The following CLCN6 variants were observed in gnomAD, a reference collection of about 807,000 sequenced individuals.
CLCN6 encodes the protein H(+)/Cl(-) exchange transporter 6.
CLCN6 carries 70 observed loss-of-function variants against 109.8 expected under a neutral mutation model. The observed-to-expected ratio is 0.64, with a 90% confidence interval of 0.53 to 0.78. The LOEUF is 0.78. Among genes scored for constraint, CLCN6 ranks in the 30% least tolerant of loss-of-function variants. The pLI, the probability that CLCN6 is intolerant of heterozygous loss-of-function variation, is 0.00. For synonymous variants in CLCN6, 444 were observed against 447.8 expected (o/e 0.99, Z 0.11); for missense variants, 984 against 1,142.3 (o/e 0.86, Z 2.00).
Position 11,838,442 on chromosome 1 carries a change from G to T in CLCN6, c.2403G>T (p.Val801=). The change falls in exon 21 of 23, where the codon GTG becomes GTT. Residue 801 remains valine, a splice_region_variant and synonymous_variant. Transcript: ENST00000346436. ...CGCTGCTCAACCCGCGCATGATCGTGGTGAGAAGGGCTGCCCCGGCCTGTC... is the reference window on the plus strand; with the variant it reads ...CGCTGCTCAACCCGCGCATGATCGTTGTGAGAAGGGCTGCCCCGGCCTGTC... The part of the protein sequence containing the change: ...DLTLLNPRMI[V]DVTPYMNPSP... The T allele has an allele frequency of 6.2e-7, 1 of 1,614,094 alleles. No individual in the cohort carries two copies. The highest frequency in any genetic ancestry group is 1.1e-5 in the South Asian group (1 of 91,078).
intron 13 of CLCN6, among the ~76,000 whole-genome samples, chr1:11,832,872 A>G (rs1644898249): frequency 6.6e-6 from 1 of 152,198 alleles, no homozygotes; most frequent in African/African-American, 2.4e-5. Flanking sequence ...TGAGGTCTAA[A>G]ATGTGTAGAA....
intron 2 of CLCN6, among the ~76,000 whole-genome samples, chr1:11,808,270 T>TG: frequency 2.8e-5 from 4 of 141,098 alleles, no homozygotes; most frequent in Admixed American, 2.2e-4. Flanking sequence ...TGTGTGTGTG[T>TG]TTTAAAGTAA....
intron 1 of CLCN6, 72 bp downstream of exon 1, chr1:11,806,421 GGGGCC>G: frequency 7.3e-7 from 1 of 1,378,152 alleles, no homozygotes; most frequent in Non-Finnish European, 9.4e-7. Context: ...TGCCGGGGGT[GGGGCC>G]GGGCCAATCT....
chr1:11,822,390 C>G (rs913695887), intron 5 of CLCN6, among the ~76,000 whole-genome samples: 2 of 152,124 alleles, frequency 1.3e-5, no homozygotes, highest in Non-Finnish European at 2.9e-5. Context: ...TCTTGAGTAG[C>G]TGGGACCATA....
intron 1 of CLCN6, 55 bp downstream of exon 1, chr1:11,806,404 G>C: frequency 4.9e-6 from 7 of 1,432,388 alleles, no homozygotes; most frequent in Non-Finnish European, 4.5e-6. Flanking sequence ...GGGACTGAGA[G>C]AGGCGTTGCC....
intron 13 of CLCN6, 113 bp downstream of exon 13, chr1:11,829,435 C>T (rs1378827873): frequency 5.6e-6 from 7 of 1,255,128 alleles, no homozygotes; most frequent in Non-Finnish European, 8.0e-6. Context: ...CTTCCACACC[C>T]ATTACCTGAG....
chr1:11,828,671 G>A, intron 12 of CLCN6, 47 bp downstream of exon 12: 12 of 1,552,680 alleles, frequency 7.7e-6, no homozygotes, highest in Non-Finnish European at 9.6e-6. Context: ...GGCTCCCTGA[G>A]CTTGGTGTGG....
At chr1:11,813,531 C>T (rs1644630577) in intron 2 of CLCN6, among the ~76,000 whole-genome samples, 4 of 152,028 alleles carry the variant, frequency 2.6e-5, no homozygotes, top group African/African-American at 9.7e-5. Context: ...GCTGGGATTA[C>T]AAGTGTGTGC....
At chr1:11,835,027 C>G (rs1183720709) in intron 17 of CLCN6, among the ~76,000 whole-genome samples, 1 of 152,242 alleles carries the variant, frequency 6.6e-6, no homozygotes, top group African/African-American at 2.4e-5. Context: ...CCACAGGTAC[C>G]TGGGCTTCCT....
intron 2 of CLCN6, among the ~76,000 whole-genome samples, chr1:11,812,408 C>T (rs1388983495): frequency 1.3e-5 from 2 of 150,422 alleles, no homozygotes; most frequent in African/African-American, 4.9e-5. Flanking sequence ...GCTCTCTGAA[C>T]CTTGTCATTT....
Position 11,834,162 on chromosome 1 carries a change from G to T in CLCN6, c.1527-74G>T. The T allele has an allele frequency of 1.9e-6, 3 of 1,594,402 alleles. No individual in the cohort carries two copies. The highest frequency in any genetic ancestry group is 1.7e-6 in the Non-Finnish European group (2 of 1,170,804). On this transcript the variant is annotated intron_variant, in intron 15 of 22. Coordinates refer to ENST00000346436, the MANE Select transcript of CLCN6 (RefSeq NM_001286.5). The surrounding 1 kb of genome is among the most constrained non-coding windows in gnomAD (Gnocchi z 4.5). ...TGCACATATGTGCATAGGCACAAGAGTATGAGCTGTAGGTCCTCCCCACAG... is the reference window on the plus strand; with the variant it reads ...TGCACATATGTGCATAGGCACAAGATTATGAGCTGTAGGTCCTCCCCACAG...
chr1:11,816,468 C>T, intron 3 of CLCN6, 147 bp from the exon 4 acceptor site: 2 of 725,360 alleles, frequency 2.8e-6, no homozygotes, highest in South Asian at 3.1e-5. Flanking sequence ...CATTTTTGCA[C>T]TGTAAAGCAC....
Position 11,827,158 on chromosome 1 carries a change from G to A in CLCN6, c.777G>A (p.Gly259=). Residue 259 remains glycine (G), a synonymous_variant, in exon 10 of 23, where the codon GGG becomes GGA. Transcript: ENST00000346436. ...CTGCAGCTTTCGGGGCGCCAATCGGGGGTACCTTGTTCAGTCTAGAGGAGG... is the reference window on the plus strand; with the variant it reads ...CTGCAGCTTTCGGGGCGCCAATCGGAGGTACCTTGTTCAGTCTAGAGGAGG... The part of the protein sequence containing the change: ...GVAAAFGAPI[G]GTLFSLEEGS... The A allele has an allele frequency of 6.2e-7, 1 of 1,613,940 alleles. No homozygotes were observed. The highest frequency in any genetic ancestry group is 8.5e-7 in the Non-Finnish European group (1 of 1,179,912).
rs372586473 is a variant in CLCN6, at chr1:11,838,325, G to C, written c.2296-10G>C. ...CCTGAGCACGGACAGTGTCTGGGTT[G>C]GAATTGCAGAGCGCCAGCCAGCCGC... is the stretch of plus-strand genomic sequence containing the variant. On this transcript the variant is annotated splice_polypyrimidine_tract_variant and intron_variant, in intron 20 of 22. Transcript: ENST00000346436. 9.9e-6 allele frequency: 16 copies of C among 1,612,430 alleles called. No individual in the cohort carries two copies. Among genetic ancestry groups the C allele is most frequent in the Non-Finnish European group, 1.4e-5 (16 of 1,179,374 alleles).
chr1:11,822,657 C>A, intron 5 of CLCN6, 38 bp from the exon 6 acceptor site: 1 of 1,277,976 alleles, frequency 7.8e-7, no homozygotes, highest in Non-Finnish European at 1.1e-6. Context: ...GGACACCCCT[C>A]GGCTGATGAA....
Position 11,823,749 on chromosome 1 carries a change from CTGAA to C in CLCN6, c.499_502del (p.Asn167AlafsTer2), listed in dbSNP as rs749793446. 1 of 1,614,288 alleles carries C rather than the reference CTGAA, an allele frequency of 6.2e-7. No homozygotes were observed. Among genetic ancestry groups the C allele is most frequent in the Non-Finnish European group, 8.5e-7 (1 of 1,180,054 alleles). On this transcript the variant is annotated frameshift_variant, in exon 7 of 23. Transcript: ENST00000346436. LOFTEE classifies it high-confidence loss of function. ...CGGGATACCCGAGGTCAAATGCTAT[CTGAA>C]TGGCGTAAAGGTGCCAGGAATCGTC... is the stretch of plus-strand genomic sequence containing the variant.
At chr1:11,820,414 A>G (rs910808183) in intron 5 of CLCN6, 1 of 715,682 alleles carries the variant, frequency 1.4e-6, no homozygotes, top group African/African-American at 1.7e-5. Context: ...GGGAGACTAT[A>G]TGTTGTCAAG....
intron 8 of CLCN6, among the ~76,000 whole-genome samples, chr1:11,825,662 G>T (rs1179582513): frequency 1.3e-5 from 2 of 152,222 alleles, no homozygotes; most frequent in Middle Eastern, 3.4e-3. Context: ...TCACTCTGTT[G>T]CCCAGGCTGG....
chr1:11,827,809 C>G (rs1644832649), intron 10 of CLCN6, among the ~76,000 whole-genome samples: 2 of 152,224 alleles, frequency 1.3e-5, no homozygotes, highest in Non-Finnish European at 2.9e-5. Context: ...TCTTCTCCCT[C>G]AGAGCAGGCT....
Sources: allele counts gnomAD v4.1 joint callset (sites outside exome capture counted in the v4.1 genomes callset), GRCh38; gene constraint gnomAD v4.1.1; non-coding constraint Gnocchi (gnomAD v3.1); transcripts MANE v1.5; gene names NCBI Gene and HGNC (gene_info 2026-07-23, HGNC 2026-07-21).